MED27: variants seen among roughly 807,000 people sequenced by gnomAD.
The protein encoded by MED27 is mediator of RNA polymerase II transcription subunit 27.
In MED27, 30 loss-of-function variants were observed where a neutral mutation model predicts 38.2. The ratio of observed to expected loss-of-function variants is 0.79; its 90% CI spans 0.59 to 1.07. The LOEUF (loss-of-function observed/expected upper bound fraction) is 1.07, where lower values mean the gene tolerates loss of function less well. MED27 is among the 50% of genes least tolerant of loss of function. The pLI is 0.00. For missense variants in MED27, 289 were observed against 397.5 expected (o/e 0.73, Z 2.32); for synonymous variants, 122 against 153.5 (o/e 0.79, Z 1.52).
intron 2 of MED27, chr9:132,031,745 T>C (rs767174440): frequency 1.6e-4 from 24 of 152,164 alleles, no homozygotes; most frequent in Non-Finnish European, 1.3e-4. Context: ...TATTTGCCTT[T>C]TAAACTACGT....
At chr9:131,904,017 GC>G (rs1412550555) in intron 4 of MED27, among the ~76,000 whole-genome samples, 1 of 151,566 alleles carries the variant, frequency 6.6e-6, no homozygotes, top group Non-Finnish European at 1.5e-5. Flanking sequence ...TCCTGCCTCT[GC>G]CTCCTGAGTA....
chr9:131,999,348 T>C (rs916981422), intron 3 of MED27, among the ~76,000 whole-genome samples: 1 of 152,172 alleles, frequency 6.6e-6, no homozygotes, highest in African/African-American at 2.4e-5. Context: ...TGTCCATCAA[T>C]GTCAGAGACT....
intron 2 of MED27, among the ~76,000 whole-genome samples, chr9:132,071,114 C>G (rs941195485): frequency 2.0e-5 from 3 of 152,298 alleles, no homozygotes; most frequent in Admixed American, 6.5e-5. Context: ...TTACTTGTAT[C>G]ACCTCATTTT....
rs66880335 is a variant in MED27, at chr9:131,861,767, CTTT to C, written c.802-1098_802-1096del. Among the ~76,000 whole-genome samples the C allele has an allele frequency of 2.1e-5, 3 of 145,226 alleles. No homozygotes were observed. The highest frequency in any genetic ancestry group is 6.9e-5 in the Admixed American group (1 of 14,536). ...AGTGCTGTGACAGATGTAAATGGTT[CTTT>C]TTTTTTTTTTTTTTTTTTATGAGAC... is the stretch of plus-strand genomic sequence containing the variant. On this transcript the variant is annotated intron_variant, in intron 7 of 7. Coordinates refer to ENST00000292035, the MANE Select transcript of MED27 (RefSeq NM_004269.4). The surrounding 1 kb of genome is among the most constrained non-coding windows in gnomAD (Gnocchi z 4.4).
intron 2 of MED27, among the ~76,000 whole-genome samples, chr9:132,061,395 G>A (rs1041905505): frequency 3.3e-5 from 5 of 152,166 alleles, no homozygotes; most frequent in African/African-American, 1.2e-4. Context: ...TTTGACTTTG[G>A]TTGTAAGATC....
intron 6 of MED27, among the ~76,000 whole-genome samples, chr9:131,864,675 C>T (rs148161292): frequency 1.1e-4 from 16 of 152,372 alleles, no homozygotes; most frequent in Admixed American, 2.0e-4. Context: ...CCAGGGTCCG[C>T]GCCCCGCACG....
intron 2 of MED27, among the ~76,000 whole-genome samples, chr9:132,035,511 C>A (rs1336693988): frequency 6.6e-6 from 1 of 151,970 alleles, no homozygotes; most frequent in Non-Finnish European, 1.5e-5. Flanking sequence ...GGGGTGGTGA[C>A]GAGAGGGCCG....
At position 131,884,114 on chromosome 9, in the gene MED27, G is replaced by A. The variant is rs375788641; in HGVS notation, c.682-15C>T. 4 of 1,599,498 alleles carry A rather than the reference G, an allele frequency of 2.5e-6. No homozygotes were observed. The highest frequency in any genetic ancestry group is 3.4e-6 in the Non-Finnish European group (4 of 1,172,972). ...CATATATCAAGCTGAGGGGAAAGGAGAGAAGGATCATCAGCATCGGTCTTA... is the reference window on the plus strand; with the variant it reads ...CATATATCAAGCTGAGGGGAAAGGAAAGAAGGATCATCAGCATCGGTCTTA... On this transcript the variant is annotated splice_polypyrimidine_tract_variant and intron_variant, in intron 5 of 7. Coordinates refer to ENST00000292035, the MANE Select transcript of MED27 (RefSeq NM_004269.4).
chr9:131,872,610 G>A lies in MED27; in HGVS notation c.724-9470C>T, dbSNP rs1440064450. 2.0e-5 allele frequency among the ~76,000 whole-genome samples: 3 copies of A among 151,764 alleles called. No individual in the cohort carries two copies. The highest frequency in any genetic ancestry group is 2.0e-4 in the Admixed American group (3 of 15,282). ...GTTTGACCCTAGCTTAGTGGCGAATGGCCTGGGGGGCCTCTTCCCTGCTGG... is the reference window on the plus strand; with the variant it reads ...GTTTGACCCTAGCTTAGTGGCGAATAGCCTGGGGGGCCTCTTCCCTGCTGG... On this transcript the variant is annotated intron_variant, in intron 6 of 7. Coordinates refer to ENST00000292035, the MANE Select transcript of MED27 (RefSeq NM_004269.4). This position sits in a 1 kb window ranked among gnomAD's most constrained non-coding sequence, Gnocchi z 5.6.
At chr9:132,041,369 C>T (rs1211603643) in intron 2 of MED27, among the ~76,000 whole-genome samples, 1 of 152,224 alleles carries the variant, frequency 6.6e-6, no homozygotes, top group Non-Finnish European at 1.5e-5. Flanking sequence ...CTCACACCAT[C>T]AGCTCTGTGA....
intron 2 of MED27, among the ~76,000 whole-genome samples, chr9:132,070,417 C>T (rs1193619139): frequency 6.6e-6 from 1 of 152,076 alleles, no homozygotes. Context: ...ATTAGCTGGG[C>T]GTGGGTGTGC....
At chr9:131,962,269 C>T (rs191568727) in intron 3 of MED27, among the ~76,000 whole-genome samples, 67 of 152,330 alleles carry the variant, frequency 4.4e-4, no homozygotes, top group African/African-American at 1.6e-3. Context: ...CGGGGTCTGA[C>T]TCTGTCACCC....
chr9:131,910,253 C>T (rs1830163210), intron 4 of MED27, among the ~76,000 whole-genome samples: 3 of 152,192 alleles, frequency 2.0e-5, no homozygotes, highest in Admixed American at 6.5e-5. Context: ...TACACAACCA[C>T]ACAATAAATT....
intron 2 of MED27, among the ~76,000 whole-genome samples, chr9:132,057,841 C>T (rs1038791137): frequency 2.6e-5 from 4 of 152,202 alleles, no homozygotes; most frequent in Non-Finnish European, 5.9e-5. Context: ...AGGACTGTGG[C>T]GCCCAGTGAG....
chr9:131,964,362 GTGATGGTAGTAGTGA>G (rs1266032903), intron 3 of MED27, among the ~76,000 whole-genome samples: 4,103 of 146,718 alleles, frequency 0.028, no homozygotes, highest in Middle Eastern at 0.049. Flanking sequence ...GATGGTAGAG[GTGATGGTAGTAGTGA>G]TGGTGATGGT....
intron 2 of MED27, among the ~76,000 whole-genome samples, chr9:132,034,017 T>C (rs1286874263): frequency 6.6e-6 from 1 of 152,258 alleles, no homozygotes; most frequent in Admixed American, 6.5e-5. Flanking sequence ...GTACTATTAA[T>C]AATATAACAG....
intron 3 of MED27, among the ~76,000 whole-genome samples, chr9:131,976,095 C>T (rs1456739129): frequency 6.6e-6 from 1 of 152,146 alleles, no homozygotes; most frequent in Non-Finnish European, 1.5e-5. Flanking sequence ...CTGACAGAGG[C>T]AACAAGTGTC....
chr9:131,967,372 T>C (rs886188016), intron 3 of MED27, among the ~76,000 whole-genome samples: 1 of 152,222 alleles, frequency 6.6e-6, no homozygotes, highest in African/African-American at 2.4e-5. Flanking sequence ...TGCAAATGGA[T>C]AATTTTAAAA....
intron 3 of MED27, among the ~76,000 whole-genome samples, chr9:131,957,657 T>C (rs1304774383): frequency 6.6e-6 from 1 of 152,126 alleles, no homozygotes; most frequent in African/African-American, 2.4e-5. Flanking sequence ...ATCCATACAA[T>C]GAAATACTAC....
Sources: gnomAD v4.1 joint callset for allele counts (sites outside exome capture counted in the v4.1 genomes callset) on GRCh38, gnomAD v4.1.1 for gene constraint, Gnocchi (gnomAD v3.1) non-coding constraint, MANE v1.5 for transcripts, NCBI Gene and HGNC (gene_info 2026-07-23, HGNC 2026-07-21) for gene names.